The following KLHL4 variants were observed in gnomAD, a reference collection of about 807,000 sequenced individuals.
The protein encoded by KLHL4 is kelch-like protein 4.
A neutral mutation model predicts 45.8 loss-of-function variants in KLHL4; 17 were observed. That is an observed-to-expected ratio of 0.37 (90% CI 0.25 to 0.56). The LOEUF is 0.56. Among genes scored for constraint, KLHL4 ranks in the 20% least tolerant of loss-of-function variants. The probability of loss-of-function intolerance (pLI) is 0.79; values close to 1 mark genes in which losing one functional copy is unlikely to be tolerated. For missense variants in KLHL4, 544 were observed against 544.9 expected (o/e 1.00, Z 0.02); for synonymous variants, 224 against 189.9 (o/e 1.18, Z -1.47).
chrX:87,612,306 A>G (rs758692001), intron 1 of KLHL4, among the ~76,000 whole-genome samples: 1 of 111,593 alleles, frequency 9.0e-6, no homozygotes, highest in Non-Finnish European at 1.9e-5. Context: ...TTCATCTTTT[A>G]TATTATATTT....
chrX:87,584,871 A>T (rs2147796878), intron 1 of KLHL4, among the ~76,000 whole-genome samples: 1 of 109,958 alleles, frequency 9.1e-6, no homozygotes, highest in South Asian at 3.9e-4. Context: ...AAAAAAAAAA[A>T]AAAGTTATAG....
intron 5 of KLHL4, among the ~76,000 whole-genome samples, chrX:87,622,638 A>G (rs993339222): frequency 2.7e-5 from 3 of 111,282 alleles, no homozygotes; most frequent in Non-Finnish European, 3.8e-5. Flanking sequence ...GTTAAACCAT[A>G]AACATCAGAA....
At position 87,614,552 on chromosome X, in the gene KLHL4, G is replaced by T; in HGVS notation, c.709G>T (p.Val237Leu). The T allele has an allele frequency of 8.3e-7, 1 of 1,207,555 alleles. No homozygotes were observed. Among genetic ancestry groups the T allele is most frequent in the South Asian group, 1.8e-5 (1 of 56,723 alleles). ...AGATCCAAATGCACTAAATTCCTTG[G>T]TGCAGTATGCTTACACAGGTAAGTG... ...GVDPNALNSL[V>L]QYAYTGVLQL... is the part of the protein sequence containing the mutation. The change falls in exon 3 of 11, where the codon GTG (valine) becomes TTG (leucine). Residue 237 changes from valine (V) to leucine (L), a missense_variant. Transcript: ENST00000373119.
At position 87,670,022 on chromosome X, in the gene KLHL4, A is replaced by G. The variant is rs186989259; in HGVS notation, c.*3488A>G. ...ATAATATATATGATTTATGAATTAT[A>G]GTAATATTAATAAAAGTGTTAAAGC... On this transcript the variant is annotated 3_prime_UTR_variant, in exon 11 of 11. Transcript: ENST00000373119. The G allele has an allele frequency of 1.2e-4, 13 of 111,838 alleles. No individual in the cohort carries two copies. Among genetic ancestry groups the G allele is most frequent in the African/African-American group, 4.2e-4 (13 of 30,862 alleles). 9.2% of individuals were successfully genotyped at this position (111,838 alleles called of 1,213,427 possible).
chrX:87,552,933 AT>A (rs1339931324), intron 1 of KLHL4, among the ~76,000 whole-genome samples: 1 of 110,421 alleles, frequency 9.1e-6, no homozygotes, highest in Non-Finnish European at 1.9e-5. Flanking sequence ...TTAATTGTAT[AT>A]TTTAAAATAA....
rs113050893 is a variant in KLHL4, at chrX:87,541,837, G to A, written c.422+23522G>A. 4.6e-3 allele frequency among the ~76,000 whole-genome samples: 507 copies of A among 111,356 alleles called. 2 individuals carry two copies. Among genetic ancestry groups the A allele is most frequent in the African/African-American group, 0.016 (492 of 30,634 alleles). The stretch of plus-strand genomic sequence containing the variant: ...AGTTTGGAGGGCTCAGAAAAAGATA[G>A]GAAGATGAGGGAAGGTTTGGAACTT... On this transcript the variant is annotated intron_variant, in intron 1 of 10. Coordinates refer to ENST00000373119, the MANE Select transcript of KLHL4 (RefSeq NM_019117.5).
intron 1 of KLHL4, among the ~76,000 whole-genome samples, chrX:87,552,130 C>G (rs1931840505): frequency 9.0e-6 from 1 of 111,000 alleles, no homozygotes. Context: ...TGGAGAAAAT[C>G]TTCACAATCT....
At chrX:87,569,062 C>A (rs1055938520) in intron 1 of KLHL4, among the ~76,000 whole-genome samples, 1 of 110,915 alleles carries the variant, frequency 9.0e-6, no homozygotes, top group Non-Finnish European at 1.9e-5. Context: ...AAAACATGTG[C>A]AAATCATGTA....
chrX:87,527,004 T>C (rs1224143417), intron 1 of KLHL4, among the ~76,000 whole-genome samples: 1 of 111,922 alleles, frequency 8.9e-6, no homozygotes, highest in Non-Finnish European at 1.9e-5. Context: ...TTGTAGACAA[T>C]GAAGAATCAG....
At chrX:87,622,483 C>A in intron 5 of KLHL4, 60 bp downstream of exon 5, 1 of 735,000 alleles carries the variant, frequency 1.4e-6, no homozygotes, top group Non-Finnish European at 1.9e-6. Flanking sequence ...AGGCACTAAT[C>A]CATTTCTTAT....
intron 1 of KLHL4, among the ~76,000 whole-genome samples, chrX:87,601,069 T>A (rs981007383): frequency 1.8e-5 from 2 of 111,674 alleles, no homozygotes; most frequent in Non-Finnish European, 3.8e-5. Flanking sequence ...CAGCAGCGAA[T>A]CCATACAGGT....
Position 87,547,279 on chromosome X carries a change from A to G in KLHL4, c.422+28964A>G, listed in dbSNP as rs781019676. Among the ~76,000 whole-genome samples, 8 of 110,462 alleles carry G rather than the reference A, an allele frequency of 7.2e-5. No homozygotes were observed. In the South Asian group the frequency reaches 2.0e-3, roughly 27 times the overall value. ...TTCTTGTGACAGTGAGTGAGTTCCCACGAGATCTGATTGTTTTATAAGTGG... is the reference window on the plus strand; with the variant it reads ...TTCTTGTGACAGTGAGTGAGTTCCCGCGAGATCTGATTGTTTTATAAGTGG... On this transcript the variant is annotated intron_variant, in intron 1 of 10. Coordinates refer to ENST00000373119, the MANE Select transcript of KLHL4 (RefSeq NM_019117.5).
chrX:87,531,382 G>T (rs1602401419), intron 1 of KLHL4, among the ~76,000 whole-genome samples: 1 of 111,299 alleles, frequency 9.0e-6, no homozygotes, highest in East Asian at 2.8e-4. Flanking sequence ...TTTTCTTCTA[G>T]GGTTTGTATG....
chrX:87,584,656 T>C (rs189835231), intron 1 of KLHL4, among the ~76,000 whole-genome samples: 2 of 108,282 alleles, frequency 1.8e-5, no homozygotes, highest in East Asian at 5.8e-4. Flanking sequence ...TACTTGAAAA[T>C]ACACAGTCAG....
intron 1 of KLHL4, among the ~76,000 whole-genome samples, chrX:87,520,396 G>C (rs183354620): frequency 1.0e-3 from 112 of 112,409 alleles, no homozygotes; most frequent in African/African-American, 3.2e-3. Context: ...AGCACAAGAT[G>C]AGCTATGACG....
chrX:87,625,854 A>T lies in KLHL4; in HGVS notation c.1324+58A>T, dbSNP rs1430346015. On this transcript the variant is annotated intron_variant, in intron 6 of 10. Coordinates refer to ENST00000373119, the MANE Select transcript of KLHL4 (RefSeq NM_019117.5). ...AAGATACATTCTTAACAGCCTCCAAATTATAAGGGTGATATTAAAGCCATG... is the reference window on the plus strand; with the variant it reads ...AAGATACATTCTTAACAGCCTCCAATTTATAAGGGTGATATTAAAGCCATG... The T allele has an allele frequency of 2.8e-4, 259 of 927,577 alleles. 1 individual carries two copies. Among genetic ancestry groups the T allele is most frequent in the Non-Finnish European group, 3.7e-4 (247 of 667,998 alleles). 76.4% of individuals were successfully genotyped at this position (927,577 alleles called of 1,213,427 possible). A position where few individuals can be genotyped will look rare whatever the true frequency, so the allele number is the denominator to read the frequency against.
At chrX:87,528,456 C>T (rs1931160142) in intron 1 of KLHL4, among the ~76,000 whole-genome samples, 1 of 110,420 alleles carries the variant, frequency 9.1e-6, no homozygotes, top group African/African-American at 3.3e-5. Context: ...ATGGCTAATG[C>T]CTGTAATCCC....
intron 1 of KLHL4, among the ~76,000 whole-genome samples, chrX:87,611,282 C>A (rs1330281141): frequency 9.0e-6 from 1 of 110,880 alleles, no homozygotes; most frequent in African/African-American, 3.3e-5. Flanking sequence ...ATATATTTTT[C>A]AAGTGTTAAC....
chrX:87,573,954 G>T (rs1476612573), intron 1 of KLHL4, among the ~76,000 whole-genome samples: 1 of 111,539 alleles, frequency 9.0e-6, no homozygotes, highest in African/African-American at 3.2e-5. Flanking sequence ...AAATCCTGAA[G>T]AATGGATGCT....
Sources: gnomAD v4.1 joint callset for allele counts (sites outside exome capture counted in the v4.1 genomes callset) on GRCh38, gnomAD v4.1.1 for gene constraint, MANE v1.5 for transcripts, NCBI Gene and HGNC (gene_info 2026-07-23, HGNC 2026-07-21) for gene names.